The following PELI1 variants were observed in gnomAD, a reference collection of about 807,000 sequenced individuals.
PELI1 encodes the protein E3 ubiquitin-protein ligase pellino homolog 1.
PELI1 carries 15 observed loss-of-function variants against 41.3 expected under a neutral mutation model. The observed-to-expected ratio is 0.36, with a 90% CI of 0.24 to 0.56. The LOEUF is 0.56. Among genes scored for constraint, PELI1 ranks in the 20% least tolerant of loss-of-function variants. The pLI is 0.82. For synonymous variants in PELI1, 178 were observed against 180.1 expected, an observed-to-expected ratio of 0.99 and a Z score of 0.09; for missense variants, 403 against 525.5, an observed-to-expected ratio of 0.77 and a Z score of 2.28.
rs187137820 is a variant in PELI1 at position 64,099,329 on chromosome 2, T to A, written c.303+1069A>T. Among the ~76,000 whole-genome samples, 1,061 of 151,978 alleles carry A rather than the reference T, an allele frequency of 7.0e-3. 2 individuals carry two copies. Among genetic ancestry groups the A allele is most frequent in the Middle Eastern group, 0.014 (4 of 294 alleles). On this transcript the variant is annotated intron_variant, in intron 4 of 6. Transcript: ENST00000358912. ...TACAGGCCTAGTAGCATCTTGATTTTAAAAAAAAGCTAAGCTCATTCATTT... is the reference window on the plus strand; with the variant it reads ...TACAGGCCTAGTAGCATCTTGATTTAAAAAAAAAGCTAAGCTCATTCATTT...
Position 64,094,979 on chromosome 2 carries a change from T to C in PELI1, c.980A>G (p.Asp327Gly). 6.2e-7 allele frequency: 1 copy of C among 1,614,242 alleles called. No individual in the cohort carries two copies. Among genetic ancestry groups the C allele is most frequent in the South Asian group, 1.1e-5 (1 of 91,084 alleles). Reference protein sequence around the residue: ...YHNWGNKEERDGKDRECPMCR... With the variant: ...YHNWGNKEERGGKDRECPMCR... ...CATAGGACATTCACGATCTTTTCCA[T>C]CACGTTCTTCTTTGTTTCCCCAGTT... The change falls in exon 7 of 7, where the codon GAT becomes GGT. Residue 327 changes from aspartate (D) to glycine (G), a missense_variant. Physicochemically the swap from Asp to Gly is moderately conservative, Grantham distance 94 (BLOSUM62 -1). Transcript: ENST00000358912.
chr2:64,100,982 A>G (rs188679984), intron 3 of PELI1, among the ~76,000 whole-genome samples: 312 of 152,260 alleles, frequency 2.0e-3, no homozygotes, highest in African/African-American at 7.1e-3. Flanking sequence ...CGCCTGCCTC[A>G]GCCTCCCAAA....
At chr2:64,096,679 C>T in intron 4 of PELI1, 69 bp from the exon 5 acceptor site, 2 of 1,002,790 alleles carry the variant, frequency 2.0e-6, no homozygotes, top group Non-Finnish European at 3.1e-6. Context: ...TCAAGAAGGG[C>T]ACAATAAGGA....
At chr2:64,124,765 T>C (rs1388620822) in intron 1 of PELI1, among the ~76,000 whole-genome samples, 1 of 152,218 alleles carries the variant, frequency 6.6e-6, no homozygotes, top group Non-Finnish European at 1.5e-5. Flanking sequence ...TCTCCAATTC[T>C]GACACCAACT....
At chr2:64,123,908 C>T (rs937291095) in intron 1 of PELI1, among the ~76,000 whole-genome samples, 6 of 152,000 alleles carry the variant, frequency 3.9e-5, no homozygotes, top group African/African-American at 7.3e-5. Flanking sequence ...CATCAACAGT[C>T]GGATAAACAA....
At chr2:64,113,132 A>G (rs1327936340) in intron 1 of PELI1, among the ~76,000 whole-genome samples, 1 of 151,942 alleles carries the variant, frequency 6.6e-6, no homozygotes, top group Non-Finnish European at 1.5e-5. Flanking sequence ...TTTAAAAAAA[A>G]AAAAGTAAAA....
At chr2:64,126,697 A>G (rs970553309) in intron 1 of PELI1, among the ~76,000 whole-genome samples, 1 of 152,218 alleles carries the variant, frequency 6.6e-6, no homozygotes, top group East Asian at 1.9e-4. Context: ...AAATACCGTA[A>G]GACTTCAAAG....
chr2:64,107,827 C>T (rs1680672193), intron 2 of PELI1, among the ~76,000 whole-genome samples: 1 of 151,980 alleles, frequency 6.6e-6, no homozygotes, highest in African/African-American at 2.4e-5. Flanking sequence ...ACAGGCATGC[C>T]TCATCACGCC....
chr2:64,140,150 T>G (rs961569801), intron 1 of PELI1, among the ~76,000 whole-genome samples: 1 of 152,178 alleles, frequency 6.6e-6, no homozygotes, highest in Non-Finnish European at 1.5e-5. Flanking sequence ...TTTTTAGAAT[T>G]AGCAACATCC....
At position 64,104,681 on chromosome 2, in the gene PELI1, C is replaced by CTTTTTT; in HGVS notation, c.201+14_201+19dup. On this transcript the variant is annotated intron_variant, in intron 3 of 6. Transcript: ENST00000358912. ...AAATTCTCCAAGTTAATTTATGTAG[C>CTTTTTT]TTTTTTTTTTTTTTTTTACCTTTGC... 3 of 1,465,638 alleles carry CTTTTTT rather than the reference C, an allele frequency of 2.0e-6. No homozygotes were observed. The highest frequency in any genetic ancestry group is 1.4e-5 in the South Asian group (1 of 71,248). 90.8% of individuals were successfully genotyped at this position (1,465,638 alleles called of 1,614,324 possible). A position where few individuals can be genotyped will look rare whatever the true frequency, so the allele number is the denominator to read the frequency against.
intron 2 of PELI1, among the ~76,000 whole-genome samples, chr2:64,107,700 CAG>C (rs1320404305): frequency 1.3e-5 from 2 of 150,580 alleles, no homozygotes; most frequent in African/African-American, 2.4e-5. Flanking sequence ...TTTTTTGAGA[CAG>C]AGTCTTACTC....
chr2:64,096,002 T>C (rs937148942), intron 6 of PELI1, 123 bp downstream of exon 6: 36 of 707,240 alleles, frequency 5.1e-5, no homozygotes, highest in Non-Finnish European at 6.7e-5. Context: ...CAGTGTTTGA[T>C]AGACTTAGTA....
At chr2:64,129,758 CCAAA>C in intron 1 of PELI1, among the ~76,000 whole-genome samples, 1 of 152,140 alleles carries the variant, frequency 6.6e-6, no homozygotes, top group South Asian at 2.1e-4. Context: ...TACGTAAACA[CCAAA>C]CAAATAAATA....
chr2:64,121,417 A>G (rs1196148777), intron 1 of PELI1, among the ~76,000 whole-genome samples: 3 of 152,314 alleles, frequency 2.0e-5, no homozygotes, highest in Admixed American at 6.5e-5. Flanking sequence ...GCTTAATCCT[A>G]GGGAAACCAA....
intron 1 of PELI1, among the ~76,000 whole-genome samples, chr2:64,115,114 C>T: frequency 6.6e-6 from 1 of 152,090 alleles, no homozygotes; most frequent in East Asian, 1.9e-4. Context: ...GCCTTGATGG[C>T]AATTAATGAT....
chr2:64,106,821 G>A (rs1276918800), intron 2 of PELI1, among the ~76,000 whole-genome samples: 1 of 152,108 alleles, frequency 6.6e-6, no homozygotes, highest in Non-Finnish European at 1.5e-5. Context: ...CTGAAACAAC[G>A]CATTCTCACT....
intron 1 of PELI1, among the ~76,000 whole-genome samples, chr2:64,125,570 G>C (rs1382138517): frequency 6.6e-6 from 1 of 152,126 alleles, no homozygotes; most frequent in Non-Finnish European, 1.5e-5. Flanking sequence ...AACAGATTTG[G>C]TATTTAATCC....
intron 1 of PELI1, among the ~76,000 whole-genome samples, chr2:64,125,724 T>C (rs978774143): frequency 3.3e-5 from 5 of 152,236 alleles, no homozygotes; most frequent in Non-Finnish European, 7.3e-5. Flanking sequence ...CAGATGATGA[T>C]ATCCCTTCAC....
rs758556418 is a variant in PELI1 at position 64,096,458 on chromosome 2, C to T, written c.456G>A (p.Arg152=). The T allele has an allele frequency of 1.2e-6, 2 of 1,613,788 alleles. No homozygotes were observed. The highest frequency in any genetic ancestry group is 1.7e-6 in the Non-Finnish European group (2 of 1,179,708). ...ICERNPPFTA[R]IYAAGFDSSK... ...ATGAGTCAAATCCTGCAGCATAAAT[C>T]CGTGCTGTAAAGGGAGGATTCCGTT... is the stretch of plus-strand genomic sequence containing the variant. The change falls in exon 5 of 7, where the codon CGG becomes CGA. Residue 152 remains arginine, a synonymous_variant. Coordinates refer to ENST00000358912, the MANE Select transcript of PELI1 (RefSeq NM_020651.4).
Sources: gnomAD v4.1 joint callset for allele counts (sites outside exome capture counted in the v4.1 genomes callset) on GRCh38, gnomAD v4.1.1 for gene constraint, MANE v1.5 for transcripts, NCBI Gene and HGNC (gene_info 2026-07-23, HGNC 2026-07-21) for gene names.